PRCC: variants seen among roughly 807,000 people sequenced by gnomAD.
The protein encoded by PRCC is proline rich mitotic checkpoint control factor.
In PRCC, 10 loss-of-function variants were observed where a neutral mutation model predicts 44.0. That is an observed-to-expected ratio of 0.23 (90% confidence interval 0.14 to 0.39). The LOEUF (loss-of-function observed/expected upper bound fraction) is 0.39. Among genes scored for constraint, PRCC ranks in the 10% least tolerant of loss-of-function variants. PRCC has a pLI of 1.00. For synonymous variants in PRCC, 278 were observed against 259.5 expected (o/e 1.07, Z -0.69); for missense variants, 573 against 624.7 (o/e 0.92, Z 0.88).
At chr1:156,786,241 A>C (rs1652240596) in intron 2 of PRCC, among the ~76,000 whole-genome samples, 1 of 152,160 alleles carries the variant, frequency 6.6e-6, no homozygotes, top group African/African-American at 2.4e-5. Flanking sequence ...AGAGAGGTTG[A>C]GTGATGAGCT....
intron 4 of PRCC, among the ~76,000 whole-genome samples, chr1:156,792,618 T>C (rs1652531101): frequency 6.6e-6 from 1 of 152,132 alleles, no homozygotes; most frequent in African/African-American, 2.4e-5. Context: ...CATGTCCAGC[T>C]AATTTTTGTA....
chr1:156,795,169 G>C (rs936611560), intron 5 of PRCC, among the ~76,000 whole-genome samples: 3 of 149,922 alleles, frequency 2.0e-5, no homozygotes, highest in Admixed American at 2.0e-4. Context: ...AAAGTTTTTT[G>C]CTTTTTTTGT....
chr1:156,798,535 A>G (rs1652739855), intron 6 of PRCC, among the ~76,000 whole-genome samples: 1 of 152,154 alleles, frequency 6.6e-6, no homozygotes, highest in African/African-American at 2.4e-5. Context: ...CAGCATGACT[A>G]GCAGCACTTC....
In PRCC at chr1:156,787,095, T is replaced by G; in HGVS notation, c.1004T>G (p.Met335Arg). 6.2e-7 allele frequency: 1 copy of G among 1,614,142 alleles called. No individual in the cohort carries two copies. Among genetic ancestry groups the G allele is most frequent in the Non-Finnish European group, 8.5e-7 (1 of 1,180,002 alleles). The change falls in exon 3 of 7, where the codon ATG becomes AGG. Residue 335 changes from methionine (M) to arginine (R), a missense_variant. Transcript: ENST00000271526. ...GCAGGTTCAAGTGGGGCCCCTTGGATGCCTAAGCCTGGGGACGACTACAGC... is the reference window on the plus strand; with the variant it reads ...GCAGGTTCAAGTGGGGCCCCTTGGAGGCCTAAGCCTGGGGACGACTACAGC... ...MAAGSSGAPW[M>R]PKPGDDYSYN... is the part of the protein sequence containing the mutation.
At chr1:156,786,163 C>T (rs1235435391) in intron 2 of PRCC, among the ~76,000 whole-genome samples, 1 of 152,074 alleles carries the variant, frequency 6.6e-6, no homozygotes, top group African/African-American at 2.4e-5. Context: ...GAACCTTGTT[C>T]TTGATTTTGG....
chr1:156,781,769 C>G (rs970177489), intron 1 of PRCC, among the ~76,000 whole-genome samples: 6 of 152,176 alleles, frequency 3.9e-5, no homozygotes, highest in Admixed American at 1.3e-4. Flanking sequence ...TGGCTTTGAC[C>G]TTTAATGCCT....
intron 5 of PRCC, chr1:156,797,032 C>T (rs1652681724): frequency 2.1e-6 from 1 of 476,770 alleles, no homozygotes. Flanking sequence ...AAAGCATTTC[C>T]AGTCTAGTGG....
At chr1:156,787,705 A>T (rs937604380) in intron 3 of PRCC, among the ~76,000 whole-genome samples, 1 of 130,556 alleles carries the variant, frequency 7.7e-6, no homozygotes, top group Non-Finnish European at 1.5e-5. Flanking sequence ...GCTGGAGTGC[A>T]GTGGCACAAT....
intron 1 of PRCC, among the ~76,000 whole-genome samples, chr1:156,771,938 T>C (rs1311090078): frequency 6.6e-6 from 1 of 152,180 alleles, no homozygotes; most frequent in Non-Finnish European, 1.5e-5. Context: ...GCACATCTGA[T>C]TCATTTTTTA....
At chr1:156,793,788 G>A (rs1314482447) in intron 4 of PRCC, among the ~76,000 whole-genome samples, 2 of 151,314 alleles carry the variant, frequency 1.3e-5, no homozygotes, top group Non-Finnish European at 2.9e-5. Flanking sequence ...CACCACACCC[G>A]GCTAATTTTT....
chr1:156,772,892 A>G (rs1651685227), intron 1 of PRCC, among the ~76,000 whole-genome samples: 1 of 152,216 alleles, frequency 6.6e-6, no homozygotes, highest in Non-Finnish European at 1.5e-5. Context: ...TAGAGAACAG[A>G]AGTGATTTGC....
chr1:156,796,127 C>T (rs1307530356), intron 5 of PRCC: 1 of 152,376 alleles, frequency 6.6e-6, no homozygotes, highest in South Asian at 2.1e-4. Flanking sequence ...GCTCTACCAA[C>T]TGTGGGTCGA....
At chr1:156,793,552 G>T (rs1009998656) in intron 4 of PRCC, among the ~76,000 whole-genome samples, 3 of 150,780 alleles carry the variant, frequency 2.0e-5, no homozygotes, top group Non-Finnish European at 4.4e-5. Context: ...CTCTGTGTGT[G>T]TGAGAGACTC....
chr1:156,791,383 T>C, intron 3 of PRCC: 1 of 467,690 alleles, frequency 2.1e-6, no homozygotes, highest in Non-Finnish European at 4.0e-6. Context: ...GAGGTGAGAG[T>C]CTCTCTTAGG....
At chr1:156,791,143 C>T in intron 3 of PRCC, 2 of 1,419,292 alleles carry the variant, frequency 1.4e-6, no homozygotes, top group Non-Finnish European at 1.9e-6. Context: ...GGTAAACGAA[C>T]CTGCTTTGTT....
At chr1:156,778,399 A>G (rs1481136239) in intron 1 of PRCC, among the ~76,000 whole-genome samples, 2 of 152,120 alleles carry the variant, frequency 1.3e-5, no homozygotes, top group African/African-American at 2.4e-5. Flanking sequence ...TCCATTGTGT[A>G]TAAATACCAC....
At position 156,771,953 on chromosome 1, in the gene PRCC, A is replaced by T. The variant is rs1278826709; in HGVS notation, c.468+3714A>T. Among the ~76,000 whole-genome samples the T allele has an allele frequency of 2.6e-5, 4 of 152,124 alleles. No individual in the cohort carries two copies. In the East Asian group the frequency reaches 7.7e-4, roughly 29 times the overall value. ...GCACATCTGATTCATTTTTTAAAAA[A>T]TTTGTTTTATTTTTAAATTTTAATA... On this transcript the variant is annotated intron_variant, in intron 1 of 6. Coordinates refer to ENST00000271526, the MANE Select transcript of PRCC (RefSeq NM_005973.5).
intron 1 of PRCC, among the ~76,000 whole-genome samples, chr1:156,769,022 CTA>C (rs367564949): frequency 1.6e-3 from 248 of 152,286 alleles, no homozygotes; most frequent in East Asian, 7.1e-3. Flanking sequence ...TTACCTGTTT[CTA>C]TATGTGACAG....
chr1:156,789,686 G>C (rs1481052806), intron 3 of PRCC, among the ~76,000 whole-genome samples: 1 of 152,182 alleles, frequency 6.6e-6, no homozygotes, highest in East Asian at 1.9e-4. Flanking sequence ...CTCAAGCTGA[G>C]TTTGGGCAAG....
Sources: gnomAD v4.1 joint callset for allele counts (sites outside exome capture counted in the v4.1 genomes callset) on GRCh38, gnomAD v4.1.1 for gene constraint, MANE v1.5 for transcripts, NCBI Gene and HGNC (gene_info 2026-07-23, HGNC 2026-07-21) for gene names.